S100Z: variants seen among roughly 807,000 people sequenced by gnomAD.
S100Z encodes protein S100-Z.
Under a neutral mutation model 8.5 loss-of-function variants are expected in S100Z, and 11 were observed. That is an observed-to-expected ratio of 1.30 (90% CI 0.82 to 2.15). The LOEUF (loss-of-function observed/expected upper bound fraction) is 2.15, where lower values mean the gene tolerates loss of function less well. S100Z is among the 30% of genes most tolerant of loss of function. The pLI is 0.00. For synonymous variants in S100Z, 34 were observed against 43.8 expected (o/e 0.78, Z 0.89); for missense variants, 126 against 117.9 (o/e 1.07, Z -0.32).
chr5:76,903,968 C>T (rs183595595), intron 4 of S100Z, among the ~76,000 whole-genome samples: 1 of 151,772 alleles, frequency 6.6e-6, no homozygotes, highest in African/African-American at 2.4e-5. Flanking sequence ...AACTCCTGAC[C>T]TCATGATCCA....
intron 4 of S100Z, among the ~76,000 whole-genome samples, chr5:76,914,318 A>G (rs1479801659): frequency 6.6e-6 from 1 of 151,986 alleles, no homozygotes; most frequent in African/African-American, 2.4e-5. Context: ...TTTTCTGTCT[A>G]GCTAAAGGAT....
At chr5:76,926,786 T>C in the S100Z span, among the ~76,000 whole-genome samples, 1 of 152,220 alleles carries the variant, frequency 6.6e-6, no homozygotes, top group Non-Finnish European at 1.5e-5. Flanking sequence ...CTTGCGGCAG[T>C]AGAATCAGCT....
At chr5:76,895,040 T>C (rs1382548462) in intron 4 of S100Z, among the ~76,000 whole-genome samples, 1 of 152,164 alleles carries the variant, frequency 6.6e-6, no homozygotes, top group Non-Finnish European at 1.5e-5. Context: ...TCTTACAAAC[T>C]GTAGTGTCTT....
chr5:76,868,736 G>T (rs1244392493), intron 1 of S100Z, among the ~76,000 whole-genome samples: 1 of 148,798 alleles, frequency 6.7e-6, no homozygotes, highest in East Asian at 2.0e-4. Flanking sequence ...CGATTCTCCT[G>T]CATCAGCCTC....
chr5:76,871,553 C>T (rs1431830212), intron 2 of S100Z, among the ~76,000 whole-genome samples: 2 of 141,612 alleles, frequency 1.4e-5, no homozygotes, highest in Non-Finnish European at 3.0e-5. Context: ...GACAGAGTGT[C>T]GCTTTATCAC....
chr5:76,922,526 G>T (rs1002998342), downstream of S100Z, among the ~76,000 whole-genome samples: 1 of 151,940 alleles, frequency 6.6e-6, no homozygotes, highest in African/African-American at 2.4e-5. Flanking sequence ...GTTGTTGTTT[G>T]TTTGTTTGTT....
chr5:76,868,748 C>T (rs188720596), intron 1 of S100Z, among the ~76,000 whole-genome samples: 3 of 152,046 alleles, frequency 2.0e-5, no homozygotes, highest in South Asian at 2.1e-4. Flanking sequence ...ATCAGCCTCC[C>T]GAGTAGCTGG....
At chr5:76,877,352 C>T (rs1175453776) in intron 3 of S100Z, among the ~76,000 whole-genome samples, 1 of 152,128 alleles carries the variant, frequency 6.6e-6, no homozygotes, top group Admixed American at 6.5e-5. Flanking sequence ...CTATGTCACT[C>T]GACTATCTCC....
At chr5:76,916,144 G>C (rs1282778375) in intron 4 of S100Z, among the ~76,000 whole-genome samples, 1 of 141,860 alleles carries the variant, frequency 7.0e-6, no homozygotes, top group Non-Finnish European at 1.5e-5. Flanking sequence ...CTGGGAGACA[G>C]AGTGAGACTC....
At chr5:76,868,852 G>C (rs1238748545) in intron 1 of S100Z, among the ~76,000 whole-genome samples, 1 of 152,062 alleles carries the variant, frequency 6.6e-6, no homozygotes, top group East Asian at 1.9e-4. Flanking sequence ...TCAAACTCCT[G>C]ACCTCAAGTG....
chr5:76,876,140 A>T (rs1383020556), intron 3 of S100Z, among the ~76,000 whole-genome samples: 1 of 152,152 alleles, frequency 6.6e-6, no homozygotes, highest in Non-Finnish European at 1.5e-5. Flanking sequence ...GTGTTTATAG[A>T]GTTGACTTAA....
At chr5:76,872,866 G>C (rs1188504709) in intron 2 of S100Z, among the ~76,000 whole-genome samples, 1 of 152,036 alleles carries the variant, frequency 6.6e-6, no homozygotes, top group Non-Finnish European at 1.5e-5. Context: ...CCAGCTACTT[G>C]GGAGGCTGAG....
the S100Z span, among the ~76,000 whole-genome samples, chr5:76,943,825 G>C: frequency 2.0e-5 from 3 of 152,084 alleles, no homozygotes; most frequent in African/African-American, 7.2e-5. Flanking sequence ...CCCAATCCAG[G>C]GTCCTTTTGT....
intron 4 of S100Z, among the ~76,000 whole-genome samples, chr5:76,880,294 T>G (rs951105478): frequency 1.3e-4 from 20 of 152,338 alleles, no homozygotes; most frequent in Admixed American, 9.8e-4. Context: ...GCAGGTCACA[T>G]GGGATATGAT....
At chr5:76,878,515 C>G (rs1743280445) in intron 4 of S100Z, among the ~76,000 whole-genome samples, 1 of 152,228 alleles carries the variant, frequency 6.6e-6, no homozygotes, top group African/African-American at 2.4e-5. Context: ...ACCTTTTCTT[C>G]CTTATCTCAC....
chr5:76,945,904 C>A, the S100Z span, among the ~76,000 whole-genome samples: 9 of 152,310 alleles, frequency 5.9e-5, no homozygotes, highest in South Asian at 1.7e-3. Flanking sequence ...TCTCATCCCA[C>A]CCGACGAGAA....
At chr5:76,950,015 A>G in the S100Z span, among the ~76,000 whole-genome samples, 5 of 152,244 alleles carry the variant, frequency 3.3e-5, no homozygotes, top group Admixed American at 2.6e-4. Context: ...CAAACAAATC[A>G]TCTTGAAAGC....
chr5:76,869,367 A>T (rs142752683), intron 1 of S100Z, among the ~76,000 whole-genome samples: 1 of 152,200 alleles, frequency 6.6e-6, no homozygotes, highest in Non-Finnish European at 1.5e-5. Context: ...TGGGGTGGGT[A>T]GTTGGGAAGA....
chr5:76,896,576 C>T (rs1272280538), intron 4 of S100Z, among the ~76,000 whole-genome samples: 2 of 152,204 alleles, frequency 1.3e-5, no homozygotes, highest in African/African-American at 4.8e-5. Flanking sequence ...AGCTGGATCA[C>T]ATGGTAGCTC....
Sources: allele counts gnomAD v4.1 joint callset (sites outside exome capture counted in the v4.1 genomes callset), GRCh38; gene constraint gnomAD v4.1.1; transcripts MANE v1.5; gene names NCBI Gene and HGNC (gene_info 2026-07-23, HGNC 2026-07-21).